Variants in GRID2 observed in about 807,000 individuals in gnomAD.
The protein encoded by GRID2 is glutamate receptor ionotropic, delta-2.
GRID2 carries 33 observed loss-of-function variants against 114.8 expected under a neutral mutation model. That is an observed-to-expected ratio of 0.29 (90% CI 0.22 to 0.38). The LOEUF is 0.38. Among genes scored for constraint, GRID2 ranks in the 10% least tolerant of loss-of-function variants. GRID2 has a pLI of 1.00. For missense variants in GRID2, 1,184 were observed against 1,257.7 expected, an observed-to-expected ratio of 0.94 and a Z score of 0.89; for synonymous variants, 505 against 449.9, an observed-to-expected ratio of 1.12 and a Z score of -1.55.
chr4:92,680,271 A>G (rs1733585882), intron 2 of GRID2, among the ~76,000 whole-genome samples: 1 of 152,142 alleles, frequency 6.6e-6, no homozygotes, highest in Admixed American at 6.5e-5. Flanking sequence ...TACCTTAAAT[A>G]TATAGCTATA....
chr4:92,436,903 A>G (rs904544798), intron 1 of GRID2, among the ~76,000 whole-genome samples: 6 of 152,166 alleles, frequency 3.9e-5, no homozygotes, highest in African/African-American at 1.4e-4. Flanking sequence ...AATGTTTATC[A>G]TATGAAATAA....
At chr4:92,778,710 G>C (rs1189422033) in intron 2 of GRID2, among the ~76,000 whole-genome samples, 5 of 151,974 alleles carry the variant, frequency 3.3e-5, no homozygotes, top group Admixed American at 2.6e-4. Flanking sequence ...TCAGCTAACA[G>C]GTATGAACAT....
At chr4:93,113,799 T>C (rs1351328433) in intron 4 of GRID2, among the ~76,000 whole-genome samples, 1 of 152,120 alleles carries the variant, frequency 6.6e-6, no homozygotes, top group African/African-American at 2.4e-5. Context: ...GAGGTGCTTC[T>C]TGAGTTGAGC....
At chr4:93,644,334 C>A (rs1721906435) in intron 14 of GRID2, among the ~76,000 whole-genome samples, 1 of 145,362 alleles carries the variant, frequency 6.9e-6, no homozygotes, top group Admixed American at 6.8e-5. Context: ...CTTGGCTCCT[C>A]CCCACTAAAA....
intron 2 of GRID2, among the ~76,000 whole-genome samples, chr4:92,778,818 A>C (rs1738928468): frequency 6.6e-6 from 1 of 152,068 alleles, no homozygotes; most frequent in Non-Finnish European, 1.5e-5. Context: ...ATTTATGTGA[A>C]GTTATCTTCA....
chr4:92,953,746 T>C (rs538147802), intron 2 of GRID2, among the ~76,000 whole-genome samples: 5 of 152,162 alleles, frequency 3.3e-5, no homozygotes, highest in African/African-American at 1.2e-4. Context: ...TCATACCATA[T>C]TTTTTTATGA....
rs189344829 is a variant in GRID2, at chr4:93,301,862, A to T, written c.1245+63372A>T. Reference sequence around the variant, plus strand: ...AAAAGGAGGTTCATTTTGATCGTCAACCAGAAAACAAAACATGATAAAATA... The same window carrying T: ...AAAAGGAGGTTCATTTTGATCGTCATCCAGAAAACAAAACATGATAAAATA... On this transcript the variant is annotated intron_variant, in intron 8 of 15. Transcript: ENST00000282020. Among the ~76,000 whole-genome samples, 71 of 152,288 alleles carry T rather than the reference A, an allele frequency of 4.7e-4. No individual in the cohort carries two copies. In the East Asian group the frequency reaches 8.3e-3, roughly 18 times the overall value.
chr4:93,171,633 TCA>T (rs1738828953), intron 4 of GRID2, among the ~76,000 whole-genome samples: 2 of 152,210 alleles, frequency 1.3e-5, no homozygotes, highest in Non-Finnish European at 2.9e-5. Context: ...TAGGACCCAA[TCA>T]ACCATTCCTG....
chr4:92,555,942 C>T (rs560814502), intron 1 of GRID2, among the ~76,000 whole-genome samples: 1 of 152,134 alleles, frequency 6.6e-6, no homozygotes, highest in East Asian at 1.9e-4. Context: ...GAGAGAATTC[C>T]TAGATTTCAA....
At chr4:93,747,680 A>T (rs993908104) in intron 14 of GRID2, among the ~76,000 whole-genome samples, 16 of 152,144 alleles carry the variant, frequency 1.1e-4, no homozygotes, top group African/African-American at 3.9e-4. Flanking sequence ...AGGGAATAAT[A>T]TGTAAAATGT....
chr4:92,918,997 A>C (rs893250814), intron 2 of GRID2, among the ~76,000 whole-genome samples: 1 of 151,998 alleles, frequency 6.6e-6, no homozygotes, highest in Non-Finnish European at 1.5e-5. Context: ...TTTTTTGGTT[A>C]GTAAGCTATT....
chr4:92,571,178 G>A (rs1054584702), intron 1 of GRID2, among the ~76,000 whole-genome samples: 1 of 151,988 alleles, frequency 6.6e-6, no homozygotes, highest in Non-Finnish European at 1.5e-5. Flanking sequence ...TTTTATGGAA[G>A]GTCTTTTCTG....
At chr4:92,814,359 G>T (rs182638012) in intron 2 of GRID2, among the ~76,000 whole-genome samples, 3 of 152,108 alleles carry the variant, frequency 2.0e-5, no homozygotes, top group Non-Finnish European at 4.4e-5. Flanking sequence ...AAAGAATATA[G>T]TAATAATAAT....
chr4:93,295,858 G>A (rs1486996104), intron 8 of GRID2, among the ~76,000 whole-genome samples: 1 of 152,166 alleles, frequency 6.6e-6, no homozygotes, highest in African/African-American at 2.4e-5. Flanking sequence ...ACCAACTAAA[G>A]GATAAATGGA....
At chr4:93,193,461 C>A (rs1227321817) in intron 4 of GRID2, among the ~76,000 whole-genome samples, 3 of 152,094 alleles carry the variant, frequency 2.0e-5, no homozygotes, top group African/African-American at 7.2e-5. Context: ...TTTATAGGGG[C>A]TTTTGCCCCT....
chr4:92,362,920 C>T (rs1023645524), intron 1 of GRID2, among the ~76,000 whole-genome samples: 32 of 152,166 alleles, frequency 2.1e-4, no homozygotes, highest in Non-Finnish European at 4.4e-4. Context: ...TCCAAGTTTA[C>T]AGTCAATATT....
intron 10 of GRID2, among the ~76,000 whole-genome samples, chr4:93,427,952 C>T (rs541732218): frequency 6.6e-6 from 1 of 152,018 alleles, no homozygotes; most frequent in African/African-American, 2.4e-5. Context: ...AAATTATTTT[C>T]TCCTAGTTTA....
rs181822271 is a variant in GRID2, at chr4:92,871,154, G to A, written c.245-213841G>A. Among the ~76,000 whole-genome samples, 12 of 152,140 alleles carry A rather than the reference G, an allele frequency of 7.9e-5. No homozygotes were observed. In the East Asian group the frequency reaches 2.1e-3, roughly 27 times the overall value. ...TAGAAACAAAAAGTCTTCTCTCCTG[G>A]AGTTGCGATGCCTGGTTTAACATTC... On this transcript the variant is annotated intron_variant, in intron 2 of 15. Transcript: ENST00000282020.
At chr4:93,014,405 G>T (rs1165509036) in intron 2 of GRID2, among the ~76,000 whole-genome samples, 1 of 151,250 alleles carries the variant, frequency 6.6e-6, no homozygotes, top group African/African-American at 2.4e-5. Context: ...ATAACACAGA[G>T]TTATCTTAAG....
Sources: gnomAD v4.1 joint callset for allele counts (sites outside exome capture counted in the v4.1 genomes callset) on GRCh38, gnomAD v4.1.1 for gene constraint, MANE v1.5 for transcripts, NCBI Gene and HGNC (gene_info 2026-07-23, HGNC 2026-07-21) for gene names.